The following SLCO1B1 variants were observed in gnomAD, a reference collection of about 807,000 sequenced individuals.
SLCO1B1 encodes solute carrier organic anion transporter family member 1B1.
A neutral mutation model predicts 70.1 loss-of-function variants in SLCO1B1; 81 were observed. The ratio of observed to expected loss-of-function variants is 1.16; its 90% CI spans 0.97 to 1.39. The LOEUF (loss-of-function observed/expected upper bound fraction) is 1.39, where lower values mean the gene tolerates loss of function less well. SLCO1B1 is among the 40% of genes most tolerant of loss of function. SLCO1B1 has a pLI of 0.00. For synonymous variants in SLCO1B1, 283 were observed against 271.5 expected, an observed-to-expected ratio of 1.04 and a Z score of -0.42; for missense variants, 895 against 799.6, an observed-to-expected ratio of 1.12 and a Z score of -1.44.
intron 14 of SLCO1B1, among the ~76,000 whole-genome samples, chr12:21,237,394 T>C (rs1941606406): frequency 6.6e-6 from 1 of 152,170 alleles, no homozygotes; most frequent in South Asian, 2.1e-4. Context: ...TTTTTTCTCT[T>C]AAGACTTTAA....
At chr12:21,204,709 T>C (rs560983135) in intron 10 of SLCO1B1, among the ~76,000 whole-genome samples, 1 of 152,008 alleles carries the variant, frequency 6.6e-6, no homozygotes, top group African/African-American at 2.4e-5. Flanking sequence ...CAGAAATTAA[T>C]TTTTCAAGAT....
At chr12:21,179,869 A>G (rs564551831) in intron 7 of SLCO1B1, among the ~76,000 whole-genome samples, 1 of 152,172 alleles carries the variant, frequency 6.6e-6, no homozygotes, top group Non-Finnish European at 1.5e-5. Context: ...ATACCCCCAC[A>G]CAACTTTCCA....
chr12:21,230,344 T>TC (rs1941521490), intron 14 of SLCO1B1, among the ~76,000 whole-genome samples: 2 of 146,488 alleles, frequency 1.4e-5, no homozygotes, highest in African/African-American at 5.2e-5. Flanking sequence ...TTTTTTTTTT[T>TC]TTGGAGACAT....
rs568791801 is a variant in SLCO1B1 at position 21,164,470 on chromosome 12, C to T, written c.85-8180C>T. On this transcript the variant is annotated intron_variant, in intron 2 of 14. Transcript: ENST00000256958. ...TGTAAGCTTGTTATACACTTTTCAT[C>T]TCTACTCTTTTTTATTTTCTGAAGT... Among the ~76,000 whole-genome samples, 21 of 152,162 alleles carry T rather than the reference C, an allele frequency of 1.4e-4. No individual in the cohort carries two copies. The East Asian group carries it at 3.3e-3, about 24-fold the overall frequency.
intron 2 of SLCO1B1, among the ~76,000 whole-genome samples, chr12:21,146,726 A>G (rs914827272): frequency 6.6e-6 from 1 of 151,976 alleles, no homozygotes; most frequent in Non-Finnish European, 1.5e-5. Flanking sequence ...GTTAATCTCC[A>G]CATATTTTGG....
intron 7 of SLCO1B1, among the ~76,000 whole-genome samples, chr12:21,194,405 TTTA>T (rs922817292): frequency 6.6e-6 from 1 of 151,666 alleles, no homozygotes; most frequent in Non-Finnish European, 1.5e-5. Flanking sequence ...ATTTTAATTA[TTTA>T]TTATTATTAT....
At chr12:21,147,760 T>C (rs1012854774) in intron 2 of SLCO1B1, among the ~76,000 whole-genome samples, 3 of 152,172 alleles carry the variant, frequency 2.0e-5, no homozygotes, top group Non-Finnish European at 4.4e-5. Flanking sequence ...CATGTGTCTT[T>C]ATAGTAGAAT....
rs1262802263 is a variant in SLCO1B1, at chr12:21,142,083, A to C, written c.84+425A>C. Among the ~76,000 whole-genome samples, 6 of 148,164 alleles carry C rather than the reference A, an allele frequency of 4.0e-5. No individual in the cohort carries two copies. The East Asian group carries it at 1.2e-3, about 29-fold the overall frequency. On this transcript the variant is annotated intron_variant, in intron 2 of 14. Transcript: ENST00000256958. ...TAAAAATTCTTTTAAAAAAAAAAAC[A>C]AAAAACAGGATTTAAAAAAGTTCTG...
intron 12 of SLCO1B1, among the ~76,000 whole-genome samples, chr12:21,219,018 G>A (rs1255681887): frequency 6.6e-6 from 1 of 152,126 alleles, no homozygotes; most frequent in African/African-American, 2.4e-5. Context: ...TTTATGTCAG[G>A]CATAGTTGTA....
chr12:21,220,505 A>G (rs931123392), intron 12 of SLCO1B1, among the ~76,000 whole-genome samples: 5 of 152,142 alleles, frequency 3.3e-5, no homozygotes, highest in Non-Finnish European at 7.3e-5. Context: ...CGGTATTAAA[A>G]TCCATGGAAC....
chr12:21,167,144 A>G (rs1375525704), intron 2 of SLCO1B1, among the ~76,000 whole-genome samples: 1 of 152,216 alleles, frequency 6.6e-6, no homozygotes, highest in Non-Finnish European at 1.5e-5. Context: ...ACCAAAAAAC[A>G]AACAAAAAAC....
At chr12:21,161,684 T>C (rs1225482328) in intron 2 of SLCO1B1, among the ~76,000 whole-genome samples, 1 of 151,964 alleles carries the variant, frequency 6.6e-6, no homozygotes, top group Non-Finnish European at 1.5e-5. Context: ...AAAGAAAATA[T>C]TAACAACTTT....
intron 11 of SLCO1B1, among the ~76,000 whole-genome samples, chr12:21,215,930 C>T (rs1182392272): frequency 1.3e-5 from 2 of 152,024 alleles, no homozygotes; most frequent in Admixed American, 6.5e-5. Flanking sequence ...CTTTGTTCGT[C>T]TTGGATGGTT....
chr12:21,132,630 T>C (rs1940155473), intron 1 of SLCO1B1, among the ~76,000 whole-genome samples: 1 of 152,220 alleles, frequency 6.6e-6, no homozygotes, highest in Non-Finnish European at 1.5e-5. Context: ...TGCATAAATG[T>C]CTTCTGTTGA....
chr12:21,206,571 A>G (rs1261584162), intron 11 of SLCO1B1, among the ~76,000 whole-genome samples: 1 of 151,784 alleles, frequency 6.6e-6, no homozygotes, highest in Non-Finnish European at 1.5e-5. Flanking sequence ...TTGATTTTCT[A>G]TTTTGATTTT....
At chr12:21,137,013 C>CG (rs1940232528) in intron 1 of SLCO1B1, among the ~76,000 whole-genome samples, 1 of 151,972 alleles carries the variant, frequency 6.6e-6, no homozygotes, top group Non-Finnish European at 1.5e-5. Context: ...GTTTTTGGTG[C>CG]GGATGTCCTT....
intron 2 of SLCO1B1, among the ~76,000 whole-genome samples, chr12:21,171,745 T>C (rs1449973167): frequency 1.3e-5 from 2 of 152,124 alleles, no homozygotes; most frequent in East Asian, 1.9e-4. Flanking sequence ...AGAATTCTGA[T>C]ATCAGGGTTC....
chr12:21,185,761 T>C (rs1021661452), intron 7 of SLCO1B1, among the ~76,000 whole-genome samples: 14 of 151,476 alleles, frequency 9.2e-5, no homozygotes, highest in African/African-American at 3.2e-4. Context: ...GCAAAATGTA[T>C]ACAAAAGATA....
At chr12:21,222,425 T>C (rs1241073698) in intron 13 of SLCO1B1, 61 bp downstream of exon 13, 133 of 124,094 alleles carry the variant, frequency 1.1e-3, no homozygotes, top group Non-Finnish European at 1.5e-3. Context: ...TATATATATA[T>C]ATACACACAC....
Sources: gnomAD v4.1 joint callset for allele counts (sites outside exome capture counted in the v4.1 genomes callset) on GRCh38, gnomAD v4.1.1 for gene constraint, MANE v1.5 for transcripts, NCBI Gene and HGNC (gene_info 2026-07-23, HGNC 2026-07-21) for gene names.